CNGB3: variants seen among roughly 807,000 people sequenced by gnomAD.
CNGB3 encodes the protein cyclic nucleotide gated channel subunit beta 3.
Under a neutral mutation model 92.8 loss-of-function variants are expected in CNGB3, and 86 were observed. The observed-to-expected ratio is 0.93, with a 90% CI of 0.78 to 1.11. CNGB3 has a LOEUF of 1.11. CNGB3 is among the 50% of genes least tolerant of loss of function. The pLI is 0.00. For synonymous variants in CNGB3, 333 were observed against 332.7 expected (o/e 1.00, Z -0.01); for missense variants, 1,026 against 956.8 (o/e 1.07, Z -0.95).
intron 15 of CNGB3, among the ~76,000 whole-genome samples, chr8:86,603,657 A>G (rs1334789340): frequency 6.6e-6 from 1 of 152,216 alleles, no homozygotes; most frequent in Admixed American, 6.5e-5. Context: ...GTAACAGAGG[A>G]AAAAAGCCAG....
chr8:86,637,936 TAA>T (rs1823105130), intron 10 of CNGB3, among the ~76,000 whole-genome samples: 1 of 152,160 alleles, frequency 6.6e-6, no homozygotes, highest in Non-Finnish European at 1.5e-5. Flanking sequence ...CTACCGTGGA[TAA>T]GTTTGCCTGT....
chr8:86,656,965 A>G (rs988762098), intron 6 of CNGB3, among the ~76,000 whole-genome samples: 1 of 152,154 alleles, frequency 6.6e-6, no homozygotes, highest in Non-Finnish European at 1.5e-5. Context: ...TTTTACACAG[A>G]TAGAATATGT....
intron 13 of CNGB3, among the ~76,000 whole-genome samples, chr8:86,618,750 A>C (rs1369679210): frequency 6.6e-6 from 1 of 152,250 alleles, no homozygotes; most frequent in African/African-American, 2.4e-5. Context: ...ATGAAACACA[A>C]GTCTCACTGT....
At chr8:86,656,349 C>G (rs1030847680) in intron 6 of CNGB3, among the ~76,000 whole-genome samples, 2 of 152,136 alleles carry the variant, frequency 1.3e-5, no homozygotes, top group Non-Finnish European at 2.9e-5. Flanking sequence ...TGTTTACTTT[C>G]AAGGTTGTCT....
intron 10 of CNGB3, among the ~76,000 whole-genome samples, chr8:86,635,821 G>GATATATATAT (rs57486853): frequency 3.1e-4 from 19 of 60,586 alleles, no homozygotes; most frequent in African/African-American, 4.5e-4. Context: ...TATAACACAT[G>GATATATATAT]ATATATATAT....
At chr8:86,693,058 CA>C (rs2131639463) in intron 3 of CNGB3, among the ~76,000 whole-genome samples, 1 of 152,266 alleles carries the variant, frequency 6.6e-6, no homozygotes, top group African/African-American at 2.4e-5. Context: ...GACAGGACCC[CA>C]ATCCCTTCTG....
At chr8:86,649,153 C>A (rs893106736) in intron 7 of CNGB3, among the ~76,000 whole-genome samples, 1 of 151,484 alleles carries the variant, frequency 6.6e-6, no homozygotes, top group East Asian at 1.9e-4. Flanking sequence ...CAAAACACTG[C>A]TGAGAGAAAT....
intron 3 of CNGB3, among the ~76,000 whole-genome samples, chr8:86,706,763 T>C (rs571638927): frequency 3.6e-4 from 55 of 152,362 alleles, no homozygotes; most frequent in African/African-American, 1.3e-3. Flanking sequence ...GGTTATCATA[T>C]GAGTCATTAG....
At chr8:86,625,246 T>G (rs993168339) in intron 13 of CNGB3, among the ~76,000 whole-genome samples, 1 of 152,218 alleles carries the variant, frequency 6.6e-6, no homozygotes, top group African/African-American at 2.4e-5. Context: ...TTTCATTCCC[T>G]TCTTCTGGAA....
intron 1 of CNGB3, 111 bp downstream of exon 1, chr8:86,743,388 T>G: frequency 8.5e-7 from 1 of 1,174,212 alleles, no homozygotes; most frequent in Admixed American, 1.7e-5. Context: ...ATGTACCAGA[T>G]GGTGCCAGGT....
chr8:86,606,877 C>T (rs576849494), intron 14 of CNGB3, among the ~76,000 whole-genome samples: 13 of 152,236 alleles, frequency 8.5e-5, no homozygotes, highest in African/African-American at 3.1e-4. Flanking sequence ...GAAGACAGAC[C>T]ACATCTAACG....
chr8:86,660,683 C>A (rs981204886), intron 6 of CNGB3: 1 of 530,870 alleles, frequency 1.9e-6, no homozygotes, highest in Non-Finnish European at 3.9e-6. Flanking sequence ...ACAGCTACAG[C>A]CCTGTTTTGT....
intron 3 of CNGB3, among the ~76,000 whole-genome samples, chr8:86,687,369 A>G (rs930325901): frequency 6.6e-6 from 1 of 152,068 alleles, no homozygotes; most frequent in Non-Finnish European, 1.5e-5. Context: ...AGAATGAAGT[A>G]CTGGCACATG....
intron 15 of CNGB3, among the ~76,000 whole-genome samples, chr8:86,597,327 C>T (rs943189400): frequency 3.3e-5 from 5 of 152,146 alleles, no homozygotes; most frequent in African/African-American, 1.2e-4. Flanking sequence ...CCTGCCCTCC[C>T]GGTTCCTCTT....
chr8:86,719,476 G>T (rs1332111184), intron 3 of CNGB3, among the ~76,000 whole-genome samples: 1 of 152,054 alleles, frequency 6.6e-6, no homozygotes, highest in Non-Finnish European at 1.5e-5. Flanking sequence ...GGAGGTAAAA[G>T]ACCTCTACAA....
At chr8:86,620,301 T>C (rs1822699497) in intron 13 of CNGB3, among the ~76,000 whole-genome samples, 1 of 152,122 alleles carries the variant, frequency 6.6e-6, no homozygotes, top group Admixed American at 6.5e-5. Context: ...CAACAGAAAT[T>C]ATTTTCTCAC....
chr8:86,687,472 A>G (rs1187249701), intron 3 of CNGB3, among the ~76,000 whole-genome samples: 1 of 152,106 alleles, frequency 6.6e-6, no homozygotes, highest in Non-Finnish European at 1.5e-5. Flanking sequence ...CATATGAGAT[A>G]ACGAGAACAG....
chr8:86,642,774 C>T (rs889410315), intron 10 of CNGB3, among the ~76,000 whole-genome samples: 4 of 151,582 alleles, frequency 2.6e-5, no homozygotes, highest in Non-Finnish European at 4.4e-5. Context: ...AGTCCTGATT[C>T]TACTGTTCTA....
chr8:86,630,665 A>G (rs1306608779), intron 11 of CNGB3, among the ~76,000 whole-genome samples: 1 of 152,154 alleles, frequency 6.6e-6, no homozygotes, highest in East Asian at 1.9e-4. Flanking sequence ...CAAGAGGTCA[A>G]GACCAGCCTG....
Sources: gnomAD v4.1 joint callset for allele counts (sites outside exome capture counted in the v4.1 genomes callset) on GRCh38, gnomAD v4.1.1 for gene constraint, MANE v1.5 for transcripts, NCBI Gene and HGNC (gene_info 2026-07-23, HGNC 2026-07-21) for gene names.